MAP2K1: variants seen among roughly 807,000 people sequenced by gnomAD.
The protein encoded by MAP2K1 is dual specificity mitogen-activated protein kinase kinase 1.
A neutral mutation model predicts 46.3 loss-of-function variants in MAP2K1; 16 were observed. The observed-to-expected ratio is 0.35, with a 90% CI of 0.23 to 0.52. The LOEUF is 0.52. Among genes scored for constraint, MAP2K1 ranks in the 20% least tolerant of loss-of-function variants. The pLI is 0.94. For missense variants in MAP2K1, 263 were observed against 497.1 expected (o/e 0.53, Z 4.48); for synonymous variants, 183 against 185.6 (o/e 0.99, Z 0.11).
intron 1 of MAP2K1, among the ~76,000 whole-genome samples, chr15:66,418,804 G>A (rs892498763): frequency 3.3e-5 from 5 of 151,402 alleles, no homozygotes; most frequent in African/African-American, 9.7e-5. Flanking sequence ...CCGCCACCAC[G>A]CCTGGCTAAT....
intron 5 of MAP2K1, among the ~76,000 whole-genome samples, chr15:66,467,127 G>A (rs565311502): frequency 1.3e-5 from 2 of 152,050 alleles, no homozygotes; most frequent in Non-Finnish European, 1.5e-5. Flanking sequence ...CCAGTTACTC[G>A]AGAGGCTGAG....
intron 5 of MAP2K1, among the ~76,000 whole-genome samples, chr15:66,473,430 T>A (rs1567022124): frequency 1.3e-5 from 2 of 152,104 alleles, no homozygotes; most frequent in East Asian, 3.9e-4. Flanking sequence ...AAAAGTTACT[T>A]GGGCATGGTG....
rs542544174 is a variant in MAP2K1 at position 66,416,007 on chromosome 15, T to G, written c.81-19020T>G. ...AGTCACCCTAGCTCCCCACTCGCCT[T>G]CTAAACCTAATTCTTTAGCATGGTG... On this transcript the variant is annotated intron_variant, in intron 1 of 10. Transcript: ENST00000307102. 9.2e-5 allele frequency among the ~76,000 whole-genome samples: 14 copies of G among 152,298 alleles called. No individual in the cohort carries two copies. The South Asian group carries it at 2.3e-3, about 25-fold the overall frequency.
intron 1 of MAP2K1, among the ~76,000 whole-genome samples, chr15:66,425,558 T>G (rs2093455960): frequency 6.6e-6 from 1 of 152,222 alleles, no homozygotes; most frequent in Non-Finnish European, 1.5e-5. Flanking sequence ...GGAAATCAGC[T>G]GCTTCTGGGC....
intron 5 of MAP2K1, among the ~76,000 whole-genome samples, chr15:66,467,587 G>A (rs1892499582): frequency 6.6e-6 from 1 of 151,766 alleles, no homozygotes; most frequent in African/African-American, 2.4e-5. Flanking sequence ...TTTAAACAAA[G>A]TCTGGCTCTG....
intron 5 of MAP2K1, among the ~76,000 whole-genome samples, chr15:66,475,762 C>A (rs927589185): frequency 9.9e-5 from 15 of 152,174 alleles, no homozygotes; most frequent in Non-Finnish European, 2.1e-4. Context: ...GGGGCCTTGA[C>A]CACATCTTCA....
intron 1 of MAP2K1, among the ~76,000 whole-genome samples, chr15:66,408,558 G>A (rs1455450950): frequency 6.6e-6 from 1 of 151,994 alleles, no homozygotes; most frequent in East Asian, 1.9e-4. Context: ...GTGGTATGGG[G>A]TTGTGTTGGG....
intron 5 of MAP2K1, among the ~76,000 whole-genome samples, chr15:66,469,693 G>GACACACACACACACACACACACACAC (rs56197290): frequency 0.016 from 1,379 of 84,848 alleles, 54 homozygotes; most frequent in Non-Finnish European, 0.017. Context: ...TCCTTTTAAA[G>GACACACACACACACACACACACACAC]ACACACACAC....
intron 5 of MAP2K1, chr15:66,446,782 AT>A (rs1891880074): frequency 7.3e-6 from 2 of 275,828 alleles, no homozygotes; most frequent in Non-Finnish European, 1.5e-5. Flanking sequence ...CCTTCCACAT[AT>A]TTCCTTTTAG....
intron 3 of MAP2K1, among the ~76,000 whole-genome samples, chr15:66,437,578 A>C (rs778036060): frequency 6.6e-6 from 1 of 152,204 alleles, no homozygotes; most frequent in Admixed American, 6.5e-5. Flanking sequence ...CTTTCAGTCC[A>C]GTATTGTGTC....
intron 1 of MAP2K1, among the ~76,000 whole-genome samples, chr15:66,433,535 C>G (rs2093480092): frequency 6.6e-6 from 1 of 152,092 alleles, no homozygotes; most frequent in African/African-American, 2.4e-5. Context: ...GGCCTTGCAT[C>G]TTCTTTGGTC....
At chr15:66,420,148 G>A (rs1166710342) in intron 1 of MAP2K1, among the ~76,000 whole-genome samples, 1 of 152,140 alleles carries the variant, frequency 6.6e-6, no homozygotes, top group Admixed American at 6.5e-5. Flanking sequence ...GGAGGCTGAG[G>A]AATGAGAATC....
At chr15:66,487,083 C>T (rs1893058982) in intron 7 of MAP2K1, 145 bp from the exon 8 acceptor site, 2 of 698,666 alleles carry the variant, frequency 2.9e-6, no homozygotes, top group Non-Finnish European at 5.1e-6. Flanking sequence ...CTGGTCCCCT[C>T]TGTGTTCAAG....
chr15:66,419,899 C>CAA (rs35562020), intron 1 of MAP2K1, among the ~76,000 whole-genome samples: 114 of 150,536 alleles, frequency 7.6e-4, no homozygotes, highest in African/African-American at 2.0e-3. Context: ...ATGACATAAA[C>CAA]AAAAAAAAAG....
chr15:66,402,350 G>A (rs971117075), intron 1 of MAP2K1, among the ~76,000 whole-genome samples: 1 of 152,144 alleles, frequency 6.6e-6, no homozygotes, highest in Admixed American at 6.5e-5. Flanking sequence ...TTTCTCCACA[G>A]TGAAGTCTAG....
In MAP2K1 at chr15:66,436,833, G is replaced by A. The variant is rs1013906172; in HGVS notation, c.379G>A (p.Val127Met). The A allele has an allele frequency of 3.7e-6, 6 of 1,614,102 alleles. No individual in the cohort carries two copies. The highest frequency in any genetic ancestry group is 4.2e-6 in the Non-Finnish European group (5 of 1,180,006). Reference protein sequence around the residue: ...VLHECNSPYIVGFYGAFYSDG... With the variant: ...VLHECNSPYIMGFYGAFYSDG... ...GCATGAGTGCAACTCTCCGTACATC[G>A]TGGGCTTCTATGGTGCGTTCTACAG... Residue 127 changes from valine to methionine, a missense_variant, in exon 3 of 11, where the codon GTG becomes ATG. By Grantham distance (21) the Val-to-Met change is conservative. This residue lies in a region of MAP2K1 where 103 missense variants were observed against 221.6 expected (regional missense o/e 0.46). Coordinates refer to ENST00000307102, the MANE Select transcript of MAP2K1 (RefSeq NM_002755.4).
At chr15:66,387,502 G>C (rs979995484) in intron 1 of MAP2K1, 75 bp downstream of exon 1, 12 of 1,428,486 alleles carry the variant, frequency 8.4e-6, no homozygotes, top group African/African-American at 1.4e-5. Context: ...GCGCGCGCCA[G>C]GCTCCGATCT....
At chr15:66,447,368 G>A (rs1340017145) in intron 5 of MAP2K1, among the ~76,000 whole-genome samples, 1 of 152,028 alleles carries the variant, frequency 6.6e-6, no homozygotes, top group Non-Finnish European at 1.5e-5. Context: ...GTAGGTCTGG[G>A]GTAGGGCACA....
chr15:66,481,816 G>A lies in MAP2K1; in HGVS notation c.630G>A (p.Gly210=), dbSNP rs1595884752. The A allele has an allele frequency of 5.0e-6, 8 of 1,613,914 alleles. No homozygotes were observed. The East Asian group carries it at 1.6e-4, about 31-fold the overall frequency. Residue 210 remains glycine (G), a synonymous_variant, in exon 6 of 11, where the codon GGG becomes GGA. Coordinates refer to ENST00000307102, the MANE Select transcript of MAP2K1 (RefSeq NM_002755.4). The stretch of plus-strand genomic sequence containing the variant: ...GGGAGATCAAGCTCTGTGACTTTGG[G>A]GTCAGCGGGCAGCTCATCGACTCCA... The part of the protein sequence containing the change: ...SRGEIKLCDF[G]VSGQLIDSMA...
Sources: allele counts gnomAD v4.1 joint callset (sites outside exome capture counted in the v4.1 genomes callset), GRCh38; gene constraint gnomAD v4.1.1; regional missense constraint gnomAD v4.1.1; transcripts MANE v1.5; gene names NCBI Gene and HGNC (gene_info 2026-07-23, HGNC 2026-07-21).